Variants in UBXN2A observed in about 807,000 individuals in gnomAD.
UBXN2A encodes the protein UBX domain-containing protein 2A.
A neutral mutation model predicts 28.4 loss-of-function variants in UBXN2A; 28 were observed. The observed-to-expected ratio is 0.99, with a 90% confidence interval of 0.73 to 1.35. UBXN2A has a LOEUF of 1.35. UBXN2A is among the 40% of genes most tolerant of loss of function. The pLI is 0.00. For synonymous variants in UBXN2A, 97 were observed against 103.6 expected (o/e 0.94, Z 0.39); for missense variants, 253 against 297.9 (o/e 0.85, Z 1.11).
In UBXN2A at chr2:23,977,093, G is replaced by T; in HGVS notation, c.287+18G>T. 1.2e-6 allele frequency: 2 copies of T among 1,603,652 alleles called. No homozygotes were observed. The highest frequency in any genetic ancestry group is 1.7e-6 in the Non-Finnish European group (2 of 1,171,514). ...AAAAAGGGGTGAGTAGCCAGGTGTG[G>T]TAGGTCAAGCCTGTAAACCCAAAAC... On this transcript the variant is annotated intron_variant, in intron 4 of 6. Transcript: ENST00000309033.
intron 2 of UBXN2A, among the ~76,000 whole-genome samples, chr2:23,968,383 A>C (rs1558294120): frequency 6.6e-6 from 1 of 152,196 alleles, no homozygotes; most frequent in African/African-American, 2.4e-5. Context: ...GTTAGTTAAC[A>C]GTATCTAACT....
chr2:23,965,324 C>A (rs56339200), intron 2 of UBXN2A, among the ~76,000 whole-genome samples: 18,318 of 152,216 alleles, frequency 0.12, 1,190 homozygotes, highest in Middle Eastern at 0.21. Context: ...CTAGTTTCTC[C>A]TGATTAAATA....
chr2:23,941,551 A>C (rs1477995290), intron 1 of UBXN2A, among the ~76,000 whole-genome samples: 1 of 152,186 alleles, frequency 6.6e-6, no homozygotes, highest in African/African-American at 2.4e-5. Flanking sequence ...TCCAGTGTTA[A>C]TGGAAGCTCA....
At position 23,929,465 on chromosome 2, in the gene UBXN2A, A is replaced by G. The variant is rs545021235; in HGVS notation, c.-138+1850A>G. Among the ~76,000 whole-genome samples, 5 of 151,388 alleles carry G rather than the reference A, an allele frequency of 3.3e-5. No individual in the cohort carries two copies. In the South Asian group the frequency reaches 8.4e-4, roughly 25 times the overall value. ...AGTGGCTAATGCCTGTAATCTCAGC[A>G]CTTTGGGAGGCAGAGGCGGGCGGAT... On this transcript the variant is annotated intron_variant, in intron 1 of 7. Transcript: ENST00000404924.
At chr2:23,966,224 C>T (rs892487330) in intron 2 of UBXN2A, among the ~76,000 whole-genome samples, 2 of 151,800 alleles carry the variant, frequency 1.3e-5, no homozygotes, top group African/African-American at 4.8e-5. Context: ...CTGCAACCTC[C>T]GCCTCCCAGG....
intron 4 of UBXN2A, among the ~76,000 whole-genome samples, chr2:23,980,832 C>T (rs1310611676): frequency 6.6e-6 from 1 of 151,906 alleles, no homozygotes; most frequent in Non-Finnish European, 1.5e-5. Context: ...TTACCATGTT[C>T]GCCAGGCTGG....
Position 23,999,897 on chromosome 2 carries a change from G to A in UBXN2A, c.*30G>A, listed in dbSNP as rs1438045631. On this transcript the variant is annotated 3_prime_UTR_variant, in exon 7 of 7. Transcript: ENST00000309033. ...TGATAGACTAAGTGGAAAATTTGCAGAGAAATGATGGTTGTAAGTGGACAT... is the reference window on the plus strand; with the variant it reads ...TGATAGACTAAGTGGAAAATTTGCAAAGAAATGATGGTTGTAAGTGGACAT... 1 of 1,602,354 alleles carries A rather than the reference G, an allele frequency of 6.2e-7. No individual in the cohort carries two copies. Among genetic ancestry groups the A allele is most frequent in the African/African-American group, 1.3e-5 (1 of 74,392 alleles).
intron 6 of UBXN2A, among the ~76,000 whole-genome samples, chr2:23,985,043 G>A (rs1708069512): frequency 6.6e-6 from 1 of 151,938 alleles, no homozygotes; most frequent in Non-Finnish European, 1.5e-5. Context: ...TAGAACTACA[G>A]CCACATGCCA....
At chr2:23,987,826 A>C (rs535899319) in intron 6 of UBXN2A, among the ~76,000 whole-genome samples, 2 of 151,728 alleles carry the variant, frequency 1.3e-5, no homozygotes, top group Admixed American at 6.6e-5. Context: ...CAAGAACAAT[A>C]TAAAGAACTT....
chr2:23,990,369 T>C (rs575348209), intron 6 of UBXN2A, among the ~76,000 whole-genome samples: 1 of 151,906 alleles, frequency 6.6e-6, no homozygotes, highest in South Asian at 2.1e-4. Flanking sequence ...TGCTCTGTTG[T>C]GATTTTTACT....
intron 1 of UBXN2A, among the ~76,000 whole-genome samples, chr2:23,957,692 G>C (rs1706695148): frequency 6.6e-6 from 1 of 152,128 alleles, no homozygotes; most frequent in Non-Finnish European, 1.5e-5. Flanking sequence ...AAATTAGCCG[G>C]GTGTGGTGGC....
intron 6 of UBXN2A, among the ~76,000 whole-genome samples, chr2:23,998,390 C>T (rs1708621046): frequency 6.6e-6 from 1 of 152,084 alleles, no homozygotes; most frequent in South Asian, 2.1e-4. Context: ...TTTGAGAAGA[C>T]ACATTTGAAA....
chr2:23,931,388 G>A (rs1488501821), intron 1 of UBXN2A, among the ~76,000 whole-genome samples: 1 of 152,144 alleles, frequency 6.6e-6, no homozygotes, highest in African/African-American at 2.4e-5. Flanking sequence ...GGAGGCTGCA[G>A]TAAGCCAAGA....
chr2:23,946,979 C>T (rs1304288944), intron 1 of UBXN2A, among the ~76,000 whole-genome samples: 1 of 150,852 alleles, frequency 6.6e-6, no homozygotes, highest in East Asian at 1.9e-4. Flanking sequence ...CCTTAAACTC[C>T]TGGACTCAAG....
intron 1 of UBXN2A, among the ~76,000 whole-genome samples, chr2:23,949,999 C>G (rs1220602902): frequency 7.8e-6 from 1 of 128,818 alleles, no homozygotes; most frequent in African/African-American, 3.0e-5. Flanking sequence ...TTCTCATCAT[C>G]CCCCCACCCC....
intron 1 of UBXN2A, among the ~76,000 whole-genome samples, chr2:23,931,783 TG>T (rs1335214927): frequency 2.6e-5 from 4 of 151,086 alleles, no homozygotes. Context: ...GAGGCCAAGG[TG>T]GGTGGATCAT....
At chr2:23,993,494 T>C (rs1708424665) in intron 6 of UBXN2A, among the ~76,000 whole-genome samples, 1 of 152,112 alleles carries the variant, frequency 6.6e-6, no homozygotes, top group Non-Finnish European at 1.5e-5. Flanking sequence ...ACAATTTCAC[T>C]CTGTTACTCT....
chr2:23,958,592 A>C (rs928902913), intron 2 of UBXN2A, among the ~76,000 whole-genome samples: 2 of 152,182 alleles, frequency 1.3e-5, no homozygotes, highest in African/African-American at 4.8e-5. Flanking sequence ...TTCATACATT[A>C]CTTCTGTTAT....
chr2:23,975,506 G>A (rs2339887), intron 3 of UBXN2A, among the ~76,000 whole-genome samples: 28,165 of 152,142 alleles, frequency 0.19, 2,701 homozygotes, highest in Middle Eastern at 0.26. Context: ...TTTAAAAAGT[G>A]TTTGTGAAAA....
Sources: allele counts gnomAD v4.1 joint callset (sites outside exome capture counted in the v4.1 genomes callset), GRCh38; gene constraint gnomAD v4.1.1; transcripts MANE v1.5; gene names NCBI Gene and HGNC (gene_info 2026-07-23, HGNC 2026-07-21).